Variants in TJP1 observed in about 807,000 individuals in gnomAD.
The protein encoded by TJP1 is tight junction protein 1, also known as tight junction protein ZO-1.
Under a neutral mutation model 194.2 loss-of-function variants are expected in TJP1, and 43 were observed. That is an observed-to-expected ratio of 0.22 (90% CI 0.17 to 0.29). The LOEUF (loss-of-function observed/expected upper bound fraction) is 0.29, where lower values mean the gene tolerates loss of function less well. Among genes scored for constraint, TJP1 ranks in the 10% least tolerant of loss-of-function variants. The pLI is 1.00. For synonymous variants in TJP1, 801 were observed against 779.0 expected (o/e 1.03, Z -0.47); for missense variants, 1,971 against 2,185.7 (o/e 0.90, Z 1.96).
At chr15:29,856,608 T>A (rs2051859858) in intron 2 of TJP1, among the ~76,000 whole-genome samples, 1 of 152,188 alleles carries the variant, frequency 6.6e-6, no homozygotes, top group Non-Finnish European at 1.5e-5. Flanking sequence ...AAAGAACAGT[T>A]GGACCTCCGT....
At position 29,772,024 on chromosome 15, in the gene TJP1, T is replaced by C. The variant is rs774131393; in HGVS notation, c.312+40A>G. The C allele has an allele frequency of 7.1e-6, 9 of 1,258,810 alleles. No individual in the cohort carries two copies. The Admixed American group carries it at 1.5e-4, about 21-fold the overall frequency. The allele number at this position is 1,258,810 out of a possible 1,614,324, so 78.0% of individuals were successfully genotyped here. A position where few individuals can be genotyped will look rare whatever the true frequency, so the allele number is the denominator to read the frequency against. On this transcript the variant is annotated intron_variant, in intron 4 of 27. Transcript: ENST00000614355. ...TACCAGAAATGTATCAACAATAAAG[T>C]TGGGGTACCTTTACTAAATTACAGA...
At chr15:29,877,540 T>G (rs2052747758) in intron 2 of TJP1, among the ~76,000 whole-genome samples, 1 of 151,990 alleles carries the variant, frequency 6.6e-6, no homozygotes, top group Non-Finnish European at 1.5e-5. Context: ...TCTTTTCTTC[T>G]CTTCTCTTTT....
Position 29,762,374 on chromosome 15 carries a change from T to C in TJP1, c.654A>G (p.Ala218=). ...CACCTTCTTGAATATTGCCATCTCT[T>C]GCTGCCAAACTATCTTGTGAAATTT... ...VKEISQDSLA[A]RDGNIQEGDV... Residue 218 remains alanine, a synonymous_variant, in exon 6 of 28, where the codon GCA becomes GCG. Transcript: ENST00000614355. 4 of 1,613,736 alleles carry C rather than the reference T, an allele frequency of 2.5e-6. No individual in the cohort carries two copies. In the South Asian group the frequency reaches 3.3e-5, roughly 13 times the overall value.
intron 2 of TJP1, among the ~76,000 whole-genome samples, chr15:29,848,000 G>A (rs147194883): frequency 1.8e-4 from 27 of 151,378 alleles, no homozygotes; most frequent in African/African-American, 6.3e-4. Context: ...TTATTTCCAC[G>A]TTTAAAGCTT....
chr15:29,721,271 G>A (rs2042912640), intron 18 of TJP1, among the ~76,000 whole-genome samples: 1 of 152,126 alleles, frequency 6.6e-6, no homozygotes, highest in African/African-American at 2.4e-5. Context: ...CTGGTGGGAG[G>A]TGACTGGATC....
Position 29,782,891 on chromosome 15 carries a change from T to A in TJP1, c.85-9534A>T, listed in dbSNP as rs543408711. 2.6e-3 allele frequency among the ~76,000 whole-genome samples: 225 copies of A among 88,214 alleles called. 1 individual carries two copies. In the South Asian group the frequency reaches 0.041, roughly 16 times the overall value. 57.9% of individuals were successfully genotyped at this position (88,214 alleles called of 152,430 possible). A position where few individuals can be genotyped will look rare whatever the true frequency, so the allele number is the denominator to read the frequency against. ...TGGGCAAAGGACAAGAACAGACACT[T>A]TTCAAAAAAAAAAAAAAAAAAACAC... is the stretch of plus-strand genomic sequence containing the variant. On this transcript the variant is annotated intron_variant, in intron 2 of 27. Coordinates refer to ENST00000614355, the MANE Select transcript of TJP1 (RefSeq NM_001330239.4).
At chr15:29,908,607 C>T (rs1567185508) in intron 2 of TJP1, among the ~76,000 whole-genome samples, 1 of 152,222 alleles carries the variant, frequency 6.6e-6, no homozygotes, top group Non-Finnish European at 1.5e-5. Context: ...GGTGGGGCAC[C>T]AGTCCCAAGA....
intron 1 of TJP1, among the ~76,000 whole-genome samples, chr15:29,814,081 T>C (rs2049726799): frequency 6.6e-6 from 1 of 152,200 alleles, no homozygotes; most frequent in African/African-American, 2.4e-5. Context: ...ACCAAACATA[T>C]GCAGAAAACA....
chr15:29,732,834 A>T lies in TJP1; in HGVS notation c.1737-19T>A. ...CTCAGCTCTACACAAGAAAGGAGAA[A>T]ATTAAAATAAGGGCATTTAAAATGC... On this transcript the variant is annotated intron_variant, in intron 13 of 27. Coordinates refer to ENST00000614355, the MANE Select transcript of TJP1 (RefSeq NM_001330239.4). 1 of 1,557,038 alleles carries T rather than the reference A, an allele frequency of 6.4e-7. No individual in the cohort carries two copies. Among genetic ancestry groups the T allele is most frequent in the Non-Finnish European group, 8.6e-7 (1 of 1,157,420 alleles).
chr15:29,704,596 A>C (rs2041774415), intron 26 of TJP1, among the ~76,000 whole-genome samples: 1 of 152,244 alleles, frequency 6.6e-6, no homozygotes, highest in Non-Finnish European at 1.5e-5. Context: ...TCAATATATG[A>C]AATCTTTGGA....
intron 15 of TJP1, among the ~76,000 whole-genome samples, chr15:29,731,478 G>C (rs1205679857): frequency 2.6e-5 from 4 of 152,168 alleles, no homozygotes; most frequent in Non-Finnish European, 5.9e-5. Flanking sequence ...CAAAAGAGCA[G>C]TGGTTCCATT....
intron 2 of TJP1, among the ~76,000 whole-genome samples, chr15:29,843,785 T>C (rs893046311): frequency 6.6e-6 from 1 of 152,038 alleles, no homozygotes; most frequent in Non-Finnish European, 1.5e-5. Flanking sequence ...GCTCAATCTA[T>C]GGATTCAGGA....
chr15:29,730,624 G>T, intron 15 of TJP1: 1 of 610,558 alleles, frequency 1.6e-6, no homozygotes, highest in South Asian at 1.5e-5. Context: ...GCAGTGTGAA[G>T]AAGAGGCGAG....
intron 1 of TJP1, among the ~76,000 whole-genome samples, chr15:29,807,109 T>C (rs942123594): frequency 3.3e-5 from 5 of 152,246 alleles, no homozygotes; most frequent in Non-Finnish European, 1.5e-5. Flanking sequence ...AATTTACAAA[T>C]GTATCACTGT....
chr15:29,743,168 TAA>T (rs2044538468), intron 8 of TJP1: 2 of 155,420 alleles, frequency 1.3e-5, no homozygotes, highest in Non-Finnish European at 2.8e-5. Flanking sequence ...AATCAAGTCC[TAA>T]AAAAAGAGTT....
At chr15:29,946,652 T>A (rs1017227039) in intron 2 of TJP1, among the ~76,000 whole-genome samples, 3 of 152,246 alleles carry the variant, frequency 2.0e-5, no homozygotes, top group African/African-American at 7.2e-5. Flanking sequence ...GAAAGGCCGA[T>A]TTCTGTTTCC....
intron 2 of TJP1, among the ~76,000 whole-genome samples, chr15:29,914,208 C>A (rs1048561015): frequency 6.6e-6 from 1 of 152,120 alleles, no homozygotes; most frequent in Non-Finnish European, 1.5e-5. Context: ...ATGGATTACA[C>A]CTTAAATAAA....
intron 2 of TJP1, among the ~76,000 whole-genome samples, chr15:29,859,207 C>A (rs1044968987): frequency 6.6e-6 from 1 of 152,086 alleles, no homozygotes; most frequent in African/African-American, 2.4e-5. Flanking sequence ...CATTTTAAAC[C>A]TATATATAGA....
At chr15:29,874,502 C>T (rs2052631293) in intron 2 of TJP1, among the ~76,000 whole-genome samples, 1 of 152,022 alleles carries the variant, frequency 6.6e-6, no homozygotes, top group African/African-American at 2.4e-5. Flanking sequence ...AGACAATACC[C>T]CGGGTTAAAA....
Sources: allele counts gnomAD v4.1 joint callset (sites outside exome capture counted in the v4.1 genomes callset), GRCh38; gene constraint gnomAD v4.1.1; transcripts MANE v1.5; gene names NCBI Gene and HGNC (gene_info 2026-07-23, HGNC 2026-07-21).